Variants in TET3 observed in about 807,000 individuals in gnomAD.
The protein encoded by TET3 is methylcytosine dioxygenase TET3.
Under a neutral mutation model 141.4 loss-of-function variants are expected in TET3, and 19 were observed. That is an observed-to-expected ratio of 0.13 (90% confidence interval 0.09 to 0.20). TET3 has a LOEUF of 0.20. Ranked by LOEUF, TET3 falls within the 10% of genes least tolerant of loss-of-function variation. The probability of loss-of-function intolerance (pLI) is 1.00; values close to 1 mark genes in which losing one functional copy is unlikely to be tolerated. For synonymous variants in TET3, 1,043 were observed against 980.9 expected, an observed-to-expected ratio of 1.06 and a Z score of -1.18; for missense variants, 1,874 against 2,356.9, an observed-to-expected ratio of 0.80 and a Z score of 4.24.
At chr2:74,065,936 T>G (rs954304822) in intron 4 of TET3, among the ~76,000 whole-genome samples, 1 of 151,996 alleles carries the variant, frequency 6.6e-6, no homozygotes, top group African/African-American at 2.4e-5. Flanking sequence ...TTTTTGTATT[T>G]TTAGTAGAGA....
At chr2:74,117,110 G>C in the TET3 span, among the ~76,000 whole-genome samples, 1 of 152,176 alleles carries the variant, frequency 6.6e-6, no homozygotes, top group African/African-American at 2.4e-5. Context: ...GATTGTGCTT[G>C]TGTTTTGAAG....
the TET3 span, among the ~76,000 whole-genome samples, chr2:74,124,553 T>A: frequency 6.6e-6 from 1 of 152,244 alleles, no homozygotes; most frequent in Non-Finnish European, 1.5e-5. Flanking sequence ...AAAGTAGACA[T>A]GGGAGACTCC....
chr2:73,995,465 T>C (rs1684546471), intron 2 of TET3, among the ~76,000 whole-genome samples: 1 of 152,122 alleles, frequency 6.6e-6, no homozygotes, highest in Non-Finnish European at 1.5e-5. Flanking sequence ...GGATCCGTGG[T>C]TTTTAGCAGA....
At position 74,100,972 on chromosome 2, in the gene TET3, C is replaced by T. The variant is rs762846019; in HGVS notation, c.4184C>T (p.Ser1395Phe). The change falls in exon 12 of 12, where the codon TCC becomes TTC. Residue 1395 changes from serine (S) to phenylalanine (F), a missense_variant. By Grantham distance (155) the Ser-to-Phe change is radical. This residue lies in a region of TET3 where 602 missense variants were observed against 590.2 expected (regional missense o/e 1.02). Coordinates refer to ENST00000409262, the MANE Select transcript of TET3 (RefSeq NM_001287491.2). ...FAQSSNCYNR[S>F]IKQEPVDPLT... ...CAGAGCTCCAACTGCTACAACAGAT[C>T]CATCAAGCAAGAGCCAGTAGACCCG... The T allele has an allele frequency of 6.2e-7, 1 of 1,612,140 alleles. No homozygotes were observed. Among genetic ancestry groups the T allele is most frequent in the Non-Finnish European group, 8.5e-7 (1 of 1,179,208 alleles).
intron 3 of TET3, among the ~76,000 whole-genome samples, chr2:74,037,451 C>G (rs1054838483): frequency 1.3e-5 from 2 of 152,140 alleles, no homozygotes; most frequent in East Asian, 1.9e-4. Context: ...AAGAGCAGCC[C>G]CTTGAACAGC....
At chr2:74,095,363 GGA>G (rs1219011163) in intron 10 of TET3, among the ~76,000 whole-genome samples, 1 of 152,208 alleles carries the variant, frequency 6.6e-6, no homozygotes, top group Non-Finnish European at 1.5e-5. Context: ...AGGGGGCCCT[GGA>G]AGGTGGGCGA....
intron 3 of TET3, among the ~76,000 whole-genome samples, chr2:74,015,799 A>G (rs1170395024): frequency 6.6e-6 from 1 of 152,194 alleles, no homozygotes; most frequent in African/African-American, 2.4e-5. Flanking sequence ...ATTTGATAAT[A>G]TCTATCAAAT....
chr2:74,032,836 A>G (rs1477297015), intron 3 of TET3, among the ~76,000 whole-genome samples: 1 of 152,008 alleles, frequency 6.6e-6, no homozygotes, highest in African/African-American at 2.4e-5. Context: ...ATAACTTTGC[A>G]TAGGTTAGAG....
rs548023827 is a variant in TET3, at chr2:74,043,752, C to G, written c.361-2526C>G. 2.6e-5 allele frequency among the ~76,000 whole-genome samples: 4 copies of G among 152,258 alleles called. No homozygotes were observed. In the East Asian group the frequency reaches 7.7e-4, roughly 29 times the overall value. The stretch of plus-strand genomic sequence containing the variant: ...TGAGACAGGAACTGCGGGCTGGGGC[C>G]TCTGCTAACCTCCCACAGAGCTCAT... On this transcript the variant is annotated intron_variant, in intron 3 of 11. Coordinates refer to ENST00000409262, the MANE Select transcript of TET3 (RefSeq NM_001287491.2).
intron 3 of TET3, among the ~76,000 whole-genome samples, chr2:74,042,505 A>G (rs780396209): frequency 3.3e-5 from 5 of 152,242 alleles, no homozygotes; most frequent in Non-Finnish European, 7.3e-5. Flanking sequence ...TTGGCAAAAC[A>G]AAAACATTAA....
chr2:74,069,554 A>G (rs1273651824), intron 4 of TET3, among the ~76,000 whole-genome samples: 1 of 151,740 alleles, frequency 6.6e-6, no homozygotes, highest in Non-Finnish European at 1.5e-5. Context: ...GACCACTTCT[A>G]GCCCCCCAGG....
intron 4 of TET3, among the ~76,000 whole-genome samples, chr2:74,063,784 G>C (rs963925829): frequency 1.3e-5 from 2 of 151,514 alleles, no homozygotes; most frequent in African/African-American, 4.9e-5. Flanking sequence ...ATCTGGCCTG[G>C]TGCAATACCT....
the TET3 span, among the ~76,000 whole-genome samples, chr2:74,113,819 A>G: frequency 6.6e-6 from 1 of 152,210 alleles, no homozygotes; most frequent in Non-Finnish European, 1.5e-5. Context: ...AAACAAATGG[A>G]AAGACATCCC....
At chr2:74,078,816 T>C (rs897699158) in intron 5 of TET3, among the ~76,000 whole-genome samples, 2 of 152,226 alleles carry the variant, frequency 1.3e-5, no homozygotes, top group Non-Finnish European at 2.9e-5. Flanking sequence ...TATAGTATGC[T>C]GTGTTAATTG....
chr2:74,098,075 G>A (rs1416660178), intron 10 of TET3, among the ~76,000 whole-genome samples: 1 of 152,182 alleles, frequency 6.6e-6, no homozygotes, highest in Non-Finnish European at 1.5e-5. Flanking sequence ...AGTTTTTAAA[G>A]AAATTAGTGG....
At chr2:73,998,547 T>TTGC (rs374158585) in intron 2 of TET3, 1 of 152,788 alleles carries the variant, frequency 6.5e-6, no homozygotes, top group Admixed American at 6.5e-5. Flanking sequence ...TCTTCTTCTG[T>TTGC]TGCTGCTGCT....
chr2:73,995,244 G>T (rs1235036900), intron 2 of TET3, among the ~76,000 whole-genome samples: 1 of 152,254 alleles, frequency 6.6e-6, no homozygotes, highest in Non-Finnish European at 1.5e-5. Flanking sequence ...ATAGGCGTGA[G>T]CCACTGTGCC....
intron 6 of TET3, among the ~76,000 whole-genome samples, chr2:74,084,047 A>C (rs1689977500): frequency 6.6e-6 from 1 of 152,234 alleles, no homozygotes; most frequent in South Asian, 2.1e-4. Context: ...TATCTGATTT[A>C]ATACCGTGTT....
chr2:74,028,156 T>A (rs554801706), intron 3 of TET3, among the ~76,000 whole-genome samples: 2 of 147,460 alleles, frequency 1.4e-5, no homozygotes, highest in Non-Finnish European at 1.5e-5. Context: ...CTGCCTAATT[T>A]TAAAAAAAAA....
Sources: gnomAD v4.1 joint callset for allele counts (sites outside exome capture counted in the v4.1 genomes callset) on GRCh38, gnomAD v4.1.1 for gene constraint, gnomAD v4.1.1 regional missense constraint, MANE v1.5 for transcripts, NCBI Gene and HGNC (gene_info 2026-07-23, HGNC 2026-07-21) for gene names.